The following CTDSP2 variants were observed in gnomAD, a reference collection of about 807,000 sequenced individuals.
The protein encoded by CTDSP2 is CTD small phosphatase 2, also known as carboxy-terminal domain RNA polymerase II polypeptide A small phosphatase 2.
CTDSP2 carries 9 observed loss-of-function variants against 31.6 expected under a neutral mutation model. The ratio of observed to expected loss-of-function variants is 0.28; its 90% CI spans 0.17 to 0.50. The LOEUF is 0.50. Ranked by LOEUF, CTDSP2 falls within the 20% of genes least tolerant of loss-of-function variation. The pLI is 0.98. For missense variants in CTDSP2, 267 were observed against 348.5 expected, an observed-to-expected ratio of 0.77 and a Z score of 1.86; for synonymous variants, 134 against 134.5, an observed-to-expected ratio of 1.00 and a Z score of 0.03.
chr12:57,832,517 C>G (rs781703570), intron 1 of CTDSP2, among the ~76,000 whole-genome samples: 1 of 151,942 alleles, frequency 6.6e-6, no homozygotes, highest in Admixed American at 6.6e-5. Context: ...ACAGGGCGGT[C>G]GTGGTGGCTC....
intron 5 of CTDSP2, among the ~76,000 whole-genome samples, chr12:57,825,254 A>G (rs1354920396): frequency 6.6e-6 from 1 of 152,108 alleles, no homozygotes; most frequent in Non-Finnish European, 1.5e-5. Context: ...CCAACTCACC[A>G]GACCACTCAG....
At position 57,846,643 on chromosome 12, in the gene CTDSP2, C is replaced by T. The variant is rs1592246259; in HGVS notation, c.-208G>A. 4.4e-6 allele frequency: 2 copies of T among 458,712 alleles called. No homozygotes were observed. The highest frequency in any genetic ancestry group is 7.4e-5 in the South Asian group (2 of 26,920). The allele number at this position is 458,712 out of a possible 1,614,324, so 28.4% of individuals were successfully genotyped here. ...CGGGCGGCCCGGGCAGCGGCTCCCC[C>T]GGGTGCCCCCGGCCCCGATCCCCCA... On this transcript the variant is annotated 5_prime_UTR_variant, in exon 1 of 8. Coordinates refer to ENST00000398073, the MANE Select transcript of CTDSP2 (RefSeq NM_005730.4).
intron 1 of CTDSP2, chr12:57,842,403 A>G (rs931410834): frequency 3.3e-5 from 5 of 152,196 alleles, no homozygotes; most frequent in Non-Finnish European, 5.9e-5. Context: ...TAAGACCTCT[A>G]CGGTTGAGAA....
At chr12:57,845,345 G>A (rs1405266436) in intron 1 of CTDSP2, 1 of 152,282 alleles carries the variant, frequency 6.6e-6, no homozygotes, top group Non-Finnish European at 1.5e-5. Flanking sequence ...GAGGGGGAAA[G>A]AGTTTCGAGT....
intron 1 of CTDSP2, among the ~76,000 whole-genome samples, chr12:57,830,391 AC>A (rs1482501178): frequency 2.6e-5 from 4 of 152,120 alleles, no homozygotes; most frequent in East Asian, 1.9e-4. Context: ...TCTCAAAAAA[AC>A]AACAACAAAA....
intron 3 of CTDSP2, 146 bp from the exon 4 acceptor site, chr12:57,827,243 G>A (rs966976191): frequency 3.1e-6 from 2 of 652,248 alleles, no homozygotes; most frequent in Admixed American, 2.6e-5. Context: ...GAAGAAAGGA[G>A]GTGGAGTTGT....
chr12:57,829,689 A>C, intron 1 of CTDSP2, 93 bp from the exon 2 acceptor site: 1 of 1,157,610 alleles, frequency 8.6e-7, no homozygotes, highest in South Asian at 1.3e-5. Flanking sequence ...TAGTTTGTAA[A>C]CTCTACTAGG....
chr12:57,823,743 T>C lies in CTDSP2; in HGVS notation c.691-16A>G, dbSNP rs1292033542. The C allele has an allele frequency of 5.3e-5, 85 of 1,613,412 alleles. No homozygotes were observed. Among genetic ancestry groups the C allele is most frequent in the Non-Finnish European group, 6.5e-5 (77 of 1,179,936 alleles). On this transcript the variant is annotated splice_polypyrimidine_tract_variant and intron_variant, in intron 7 of 7. Coordinates refer to ENST00000398073, the MANE Select transcript of CTDSP2 (RefSeq NM_005730.4). ...GCACAGGCACCTGGTGGGGGGAAGA[T>C]GTGGTGTCAATCTCCCGACTGCTGC... is the stretch of plus-strand genomic sequence containing the variant.
chr12:57,827,196 A>C, intron 3 of CTDSP2, 99 bp from the exon 4 acceptor site: 1 of 845,616 alleles, frequency 1.2e-6, no homozygotes, highest in Non-Finnish European at 1.9e-6. Context: ...GTGGAGACAC[A>C]ATCACCAACC....
intron 1 of CTDSP2, among the ~76,000 whole-genome samples, chr12:57,844,278 A>G (rs1020103270): frequency 1.3e-5 from 2 of 152,036 alleles, no homozygotes; most frequent in Non-Finnish European, 1.5e-5. Context: ...AGAAACATTA[A>G]CTCCAAGAAA....
At chr12:57,840,472 T>A (rs774896415) in intron 1 of CTDSP2, among the ~76,000 whole-genome samples, 1 of 152,208 alleles carries the variant, frequency 6.6e-6, no homozygotes, top group Non-Finnish European at 1.5e-5. Flanking sequence ...TCAGAAAACC[T>A]GGGTCTGCTG....
chr12:57,832,225 G>T (rs1458851479), intron 1 of CTDSP2, among the ~76,000 whole-genome samples: 2 of 151,984 alleles, frequency 1.3e-5, no homozygotes, highest in Non-Finnish European at 2.9e-5. Context: ...AAATGACTGG[G>T]GCTTTCCAGC....
intron 1 of CTDSP2, among the ~76,000 whole-genome samples, chr12:57,845,218 G>A (rs1956307138): frequency 6.8e-6 from 1 of 146,336 alleles, no homozygotes; most frequent in Admixed American, 6.6e-5. Flanking sequence ...AGCCTCCGGG[G>A]CCAGGTGGCC....
At chr12:57,835,660 G>A (rs1333522663) in intron 1 of CTDSP2, among the ~76,000 whole-genome samples, 2 of 152,228 alleles carry the variant, frequency 1.3e-5, no homozygotes, top group Non-Finnish European at 2.9e-5. Flanking sequence ...AGATGTCTGA[G>A]AGGACTAGCA....
At chr12:57,824,194 C>T in intron 6 of CTDSP2, 33 bp downstream of exon 6, 1 of 1,610,710 alleles carries the variant, frequency 6.2e-7, no homozygotes, top group Non-Finnish European at 8.5e-7. Flanking sequence ...CCACCACACC[C>T]ACTCCTGGTT....
At chr12:57,826,832 G>A (rs941539431) in intron 4 of CTDSP2, among the ~76,000 whole-genome samples, 164 bp downstream of exon 4, 6 of 152,186 alleles carry the variant, frequency 3.9e-5, no homozygotes, top group Non-Finnish European at 5.9e-5. Context: ...CTTCAGTGGG[G>A]CCTCTAGATA....
Position 57,846,366 on chromosome 12 carries a change from C to T in CTDSP2, c.64+6G>A, listed in dbSNP as rs777296248. ...ACGCAAAGTTTTGGGAAGTTGCTGCCCCTACCTTGCTTGGTGAGCACCAGG... is the reference window on the plus strand; with the variant it reads ...ACGCAAAGTTTTGGGAAGTTGCTGCTCCTACCTTGCTTGGTGAGCACCAGG... On this transcript the variant is annotated splice_donor_region_variant and intron_variant, in intron 1 of 7. Transcript: ENST00000398073. The T allele has an allele frequency of 1.9e-6, 3 of 1,605,954 alleles. No individual in the cohort carries two copies. The highest frequency in any genetic ancestry group is 2.5e-6 in the Non-Finnish European group (3 of 1,176,514).
intron 2 of CTDSP2, among the ~76,000 whole-genome samples, chr12:57,828,248 C>T (rs996264067): frequency 2.6e-5 from 4 of 152,152 alleles, no homozygotes; most frequent in Admixed American, 6.5e-5. Flanking sequence ...GGAGAAACTC[C>T]GTCTCTACTA....
rs371053438 is a variant in CTDSP2, at chr12:57,827,534, C to T, written c.252+18G>A. 21 of 1,613,814 alleles carry T rather than the reference C, an allele frequency of 1.3e-5. No homozygotes were observed. The African/African-American group carries it at 2.1e-4, about 16-fold the overall frequency. The stretch of plus-strand genomic sequence containing the variant: ...AGGATCCTGGCTTCTGAGTACTTAC[C>T]AGGCCAGAGTCACGTACCTGGTAGA... On this transcript the variant is annotated intron_variant, in intron 3 of 7. Transcript: ENST00000398073.
Sources: allele counts gnomAD v4.1 joint callset (sites outside exome capture counted in the v4.1 genomes callset), GRCh38; gene constraint gnomAD v4.1.1; transcripts MANE v1.5; gene names NCBI Gene and HGNC (gene_info 2026-07-23, HGNC 2026-07-21).